DCC: variants seen among roughly 807,000 people sequenced by gnomAD.
DCC encodes the protein DCC netrin 1 receptor, also known as netrin receptor DCC.
In DCC, 58 loss-of-function variants were observed where a neutral mutation model predicts 172.5. The observed-to-expected ratio is 0.34, with a 90% CI of 0.27 to 0.42. The LOEUF is 0.42. Ranked by LOEUF, DCC falls within the 10% of genes least tolerant of loss-of-function variation. The pLI is 1.00. For synonymous variants in DCC, 709 were observed against 644.5 expected (o/e 1.10, Z -1.52); for missense variants, 1,740 against 1,791.0 (o/e 0.97, Z 0.51).
intron 1 of DCC, among the ~76,000 whole-genome samples, chr18:52,531,075 T>C (rs2032135243): frequency 6.6e-6 from 1 of 152,212 alleles, no homozygotes; most frequent in Non-Finnish European, 1.5e-5. Context: ...ATCTTTGGGG[T>C]ACCCTTCTAA....
At chr18:53,030,955 A>G (rs8091466) in intron 5 of DCC, among the ~76,000 whole-genome samples, 4,141 of 152,212 alleles carry the variant, frequency 0.027, 216 homozygotes, top group African/African-American at 0.094. Context: ...TAGACTATGA[A>G]TCTCTCTTGA....
chr18:52,358,418 G>A lies in DCC; in HGVS notation c.91+17540G>A, dbSNP rs766970691. Reference sequence around the variant, plus strand: ...TGAGAGAACAAAGACAAGATATTCCGCCTTTTTTGTGCCTTTGTTTCTTCA... The same window carrying A: ...TGAGAGAACAAAGACAAGATATTCCACCTTTTTTGTGCCTTTGTTTCTTCA... On this transcript the variant is annotated intron_variant, in intron 1 of 28. Coordinates refer to ENST00000442544, the MANE Select transcript of DCC (RefSeq NM_005215.4). Among the ~76,000 whole-genome samples the A allele has an allele frequency of 1.4e-4, 21 of 152,134 alleles. 1 individual carries two copies. Among genetic ancestry groups the A allele is most frequent in the Admixed American group, 1.1e-3 (17 of 15,260 alleles).
chr18:53,404,344 G>A (rs960702315), intron 19 of DCC, among the ~76,000 whole-genome samples: 1 of 134,276 alleles, frequency 7.4e-6, no homozygotes, highest in Non-Finnish European at 1.7e-5. Context: ...TTATCAGTCA[G>A]TGTAAACAAT....
chr18:52,812,951 T>C (rs2038228560), intron 2 of DCC, among the ~76,000 whole-genome samples: 1 of 152,184 alleles, frequency 6.6e-6, no homozygotes. Context: ...AACCCTAGTC[T>C]CCCAAAATTG....
chr18:53,308,701 A>T (rs953045700), intron 13 of DCC, among the ~76,000 whole-genome samples: 12 of 152,196 alleles, frequency 7.9e-5, no homozygotes, highest in African/African-American at 2.2e-4. Context: ...CACATTTAGG[A>T]CTTTCCCTCT....
At chr18:52,905,524 A>G (rs533882752) in intron 2 of DCC, among the ~76,000 whole-genome samples, 3 of 152,262 alleles carry the variant, frequency 2.0e-5, no homozygotes, top group Non-Finnish European at 4.4e-5. Flanking sequence ...TTGTTACTAT[A>G]ATTGGTGGTT....
chr18:52,727,472 C>T (rs2036568291), intron 1 of DCC, among the ~76,000 whole-genome samples: 1 of 152,112 alleles, frequency 6.6e-6, no homozygotes, highest in African/African-American at 2.4e-5. Flanking sequence ...ATTGCTTTTC[C>T]TTTTCTTATT....
At chr18:53,095,267 T>A (rs1000888774) in intron 7 of DCC, among the ~76,000 whole-genome samples, 2 of 152,152 alleles carry the variant, frequency 1.3e-5, no homozygotes, top group Admixed American at 1.3e-4. Flanking sequence ...GGTGAGCACA[T>A]CAAAATGTAG....
At chr18:52,716,864 C>T (rs2036392324) in intron 1 of DCC, among the ~76,000 whole-genome samples, 1 of 152,126 alleles carries the variant, frequency 6.6e-6, no homozygotes, top group South Asian at 2.1e-4. Flanking sequence ...CTAAAATTTG[C>T]ACTTTTTGAT....
At chr18:53,208,361 G>C (rs1490600118) in intron 11 of DCC, among the ~76,000 whole-genome samples, 1 of 151,838 alleles carries the variant, frequency 6.6e-6, no homozygotes, top group Non-Finnish European at 1.5e-5. Flanking sequence ...TCCTCAAAAT[G>C]TGACTATTGA....
chr18:52,377,638 T>C (rs1322472091), intron 1 of DCC, among the ~76,000 whole-genome samples: 1 of 151,732 alleles, frequency 6.6e-6, no homozygotes, highest in Non-Finnish European at 1.5e-5. Flanking sequence ...ATTATGCATT[T>C]TTTTTTATAG....
Position 53,205,340 on chromosome 18 carries a change from T to A in DCC, c.1698T>A (p.Thr566=). The stretch of plus-strand genomic sequence containing the variant: ...TCCAAGGTTACAGATTGTTCTGCAC[T>A]GAGGTGTCCACAGGAAAAGAACAGG... ...GPVQGYRLFC[T]EVSTGKEQNI... Residue 566 remains threonine (T), a synonymous_variant, in exon 10 of 29, where the codon ACT becomes ACA. Transcript: ENST00000442544. 1.9e-6 allele frequency: 3 copies of A among 1,613,976 alleles called. No homozygotes were observed. Among genetic ancestry groups the A allele is most frequent in the Non-Finnish European group, 2.5e-6 (3 of 1,179,906 alleles).
chr18:53,144,065 T>C lies in DCC; in HGVS notation c.1262-13291T>C, dbSNP rs56674242. Among the ~76,000 whole-genome samples, 244 of 152,340 alleles carry C rather than the reference T, an allele frequency of 1.6e-3. 2 individuals are homozygous for C. The highest frequency in any genetic ancestry group is 5.8e-3 in the African/African-American group (240 of 41,576). The stretch of plus-strand genomic sequence containing the variant: ...CATATGCTGACCCTTTCTATTATCA[T>C]CTTTTCTAACTGTAGCTTACTTACC... On this transcript the variant is annotated intron_variant, in intron 7 of 28. Coordinates refer to ENST00000442544, the MANE Select transcript of DCC (RefSeq NM_005215.4).
At chr18:53,362,216 G>A (rs2057955515) in intron 15 of DCC, among the ~76,000 whole-genome samples, 1 of 152,130 alleles carries the variant, frequency 6.6e-6, no homozygotes, top group Non-Finnish European at 1.5e-5. Flanking sequence ...ACAACTGTAG[G>A]ACTTGTGCCT....
Position 52,807,109 on chromosome 18 carries a change from C to T in DCC, c.412+54735C>T, listed in dbSNP as rs1034688494. 4.6e-5 allele frequency among the ~76,000 whole-genome samples: 7 copies of T among 152,130 alleles called. No homozygotes were observed. In the East Asian group the frequency reaches 5.8e-4, roughly 13 times the overall value. On this transcript the variant is annotated intron_variant, in intron 2 of 28. Transcript: ENST00000442544. ...ACTCGGGAGGCTGAGGCAGGAGAAT[C>T]GCTTGAGCGCGGGAGGTGGAGGTTG...
chr18:52,967,365 G>A (rs1270464917), intron 5 of DCC, among the ~76,000 whole-genome samples: 1 of 152,090 alleles, frequency 6.6e-6, no homozygotes, highest in Non-Finnish European at 1.5e-5. Flanking sequence ...TATTTGATTT[G>A]CAGGTCTCTT....
intron 2 of DCC, among the ~76,000 whole-genome samples, chr18:52,834,302 A>G (rs1158187586): frequency 6.6e-6 from 1 of 152,232 alleles, no homozygotes; most frequent in Non-Finnish European, 1.5e-5. Flanking sequence ...TACAACATTT[A>G]ATAAGGATTG....
rs1202438010 is a variant in DCC, at chr18:53,425,909, AT to A, written c.3164-9234del. ...AGTCATCCAGAATAATCTTTCTAAA[AT>A]ATATGTGTAATTAGTCAGAGTTTTG... On this transcript the variant is annotated intron_variant, in intron 21 of 28. Coordinates refer to ENST00000442544, the MANE Select transcript of DCC (RefSeq NM_005215.4). Among the ~76,000 whole-genome samples, 14 of 152,260 alleles carry A rather than the reference AT, an allele frequency of 9.2e-5. 1 individual carries two copies. The South Asian group carries it at 2.9e-3, about 32-fold the overall frequency.
At chr18:52,817,981 G>GT (rs2038334034) in intron 2 of DCC, 1 of 152,138 alleles carries the variant, frequency 6.6e-6, no homozygotes, top group South Asian at 2.1e-4. Flanking sequence ...GGATAAATAT[G>GT]AAATGCTACA....
Sources: allele counts gnomAD v4.1 joint callset (sites outside exome capture counted in the v4.1 genomes callset), GRCh38; gene constraint gnomAD v4.1.1; transcripts MANE v1.5; gene names NCBI Gene and HGNC (gene_info 2026-07-23, HGNC 2026-07-21).